The following PCNX2 variants were observed in gnomAD, a reference collection of about 807,000 sequenced individuals.
PCNX2 encodes the protein pecanex 2.
In PCNX2, 168 loss-of-function variants were observed where a neutral mutation model predicts 223.8. The ratio of observed to expected loss-of-function variants is 0.75; its 90% confidence interval spans 0.66 to 0.85. PCNX2 has a LOEUF of 0.85. Among genes scored for constraint, PCNX2 ranks in the 40% least tolerant of loss-of-function variants. PCNX2 has a pLI of 0.00. For missense variants in PCNX2, 2,507 were observed against 2,675.5 expected (o/e 0.94, Z 1.39); for synonymous variants, 1,006 against 1,052.6 (o/e 0.96, Z 0.86).
At position 233,057,266 on chromosome 1, in the gene PCNX2, G is replaced by A; in HGVS notation, c.4101C>T (p.Asn1367=). ...TTTCAATTTGGACTGCCAGTCTTGT[G>A]TTGGAATTATCCACTCGCCTTGTAC... ...NYNTRRVDNS[N]TRLAVQIERD... is the part of the protein sequence containing the mutation. The change falls in exon 24 of 34, where the codon AAC becomes AAT. Residue 1367 remains asparagine (N), a synonymous_variant. Transcript: ENST00000258229. 1 of 1,610,580 alleles carries A rather than the reference G, an allele frequency of 6.2e-7. No individual in the cohort carries two copies. The highest frequency in any genetic ancestry group is 8.5e-7 in the Non-Finnish European group (1 of 1,177,844).
intron 31 of PCNX2, 122 bp from the exon 32 acceptor site, chr1:232,998,560 CT>C: frequency 1.0e-6 from 1 of 968,906 alleles, no homozygotes; most frequent in Non-Finnish European, 1.5e-6. Context: ...AGTAGCCCAC[CT>C]GGCATGCTGG....
the PCNX2 span, among the ~76,000 whole-genome samples, chr1:233,317,956 T>C: frequency 2.0e-5 from 3 of 152,226 alleles, no homozygotes; most frequent in Middle Eastern, 3.2e-3. Flanking sequence ...CAGTGTTATA[T>C]TCCCTTGTAT....
chr1:233,152,480 C>T (rs1047849528), intron 19 of PCNX2, among the ~76,000 whole-genome samples: 2 of 152,130 alleles, frequency 1.3e-5, no homozygotes, highest in Non-Finnish European at 2.9e-5. Context: ...CAAAGAAAGC[C>T]TCTTTCCAAA....
intron 19 of PCNX2, among the ~76,000 whole-genome samples, chr1:233,141,883 G>A (rs745883841): frequency 6.6e-5 from 10 of 151,932 alleles, no homozygotes; most frequent in Admixed American, 1.3e-4. Flanking sequence ...AATAGACAGC[G>A]TGAAAGTCCT....
chr1:233,305,270 A>G, the PCNX2 span, among the ~76,000 whole-genome samples: 2 of 152,142 alleles, frequency 1.3e-5, no homozygotes, highest in Admixed American at 1.3e-4. Context: ...CTTATAATGT[A>G]TAAAGATACA....
chr1:233,310,174 T>C, the PCNX2 span, among the ~76,000 whole-genome samples: 3 of 152,204 alleles, frequency 2.0e-5, no homozygotes, highest in Admixed American at 6.5e-5. Flanking sequence ...TTTCTGATCA[T>C]AGTTTAATAA....
At chr1:233,295,790 G>A (rs1019006784), upstream of PCNX2, 3 of 290,666 alleles carry the variant, frequency 1.0e-5, no homozygotes, top group East Asian at 1.8e-4. The surrounding 1 kb of genome is among the most constrained non-coding windows in gnomAD (Gnocchi z 4.1). Context: ...TCCTCCCAAC[G>A]CCCGCCCAGT....
At chr1:233,098,176 T>C (rs1471520775) in intron 21 of PCNX2, among the ~76,000 whole-genome samples, 2 of 152,216 alleles carry the variant, frequency 1.3e-5, no homozygotes, top group African/African-American at 4.8e-5. Context: ...GGAAAGTTAC[T>C]CCTGTTAGGC....
intron 21 of PCNX2, among the ~76,000 whole-genome samples, chr1:233,105,278 T>C (rs1356317595): frequency 6.6e-6 from 1 of 152,082 alleles, no homozygotes; most frequent in Non-Finnish European, 1.5e-5. Context: ...ATTCACAAAA[T>C]TGAGAAAGTA....
At chr1:233,270,198 A>G (rs1036120179) in intron 1 of PCNX2, among the ~76,000 whole-genome samples, 1 of 152,214 alleles carries the variant, frequency 6.6e-6, no homozygotes, top group African/African-American at 2.4e-5. Flanking sequence ...TACAAAAAAA[A>G]GCACATGACA....
intron 9 of PCNX2, among the ~76,000 whole-genome samples, chr1:233,236,191 C>T (rs915784552): frequency 6.6e-6 from 1 of 151,768 alleles, no homozygotes; most frequent in African/African-American, 2.4e-5. Context: ...TCCCCATTAC[C>T]CCTCCTCCAA....
At chr1:233,161,397 T>G in intron 17 of PCNX2, 34 bp from the exon 18 acceptor site, 3 of 1,561,460 alleles carry the variant, frequency 1.9e-6, no homozygotes, top group Non-Finnish European at 2.6e-6. Context: ...AAGGCGACTC[T>G]TCATTTCTCT....
At chr1:233,054,150 T>A in intron 25 of PCNX2, 118 bp downstream of exon 25, 1 of 860,148 alleles carries the variant, frequency 1.2e-6, no homozygotes, top group Non-Finnish European at 1.8e-6. Flanking sequence ...GCAAGCTCAC[T>A]TTCAGTAGGA....
chr1:233,050,543 T>C (rs1314180734), intron 25 of PCNX2, among the ~76,000 whole-genome samples: 1 of 152,120 alleles, frequency 6.6e-6, no homozygotes, highest in Non-Finnish European at 1.5e-5. Flanking sequence ...CCTATAGCCA[T>C]CTGATCTTTG....
intron 28 of PCNX2, among the ~76,000 whole-genome samples, chr1:233,011,264 T>C (rs1670459655): frequency 6.6e-6 from 1 of 152,196 alleles, no homozygotes; most frequent in Admixed American, 6.6e-5. Flanking sequence ...AATCTACTAA[T>C]GTAATACAAC....
chr1:233,201,131 G>T (rs1028751072), intron 13 of PCNX2, among the ~76,000 whole-genome samples: 1 of 107,000 alleles, frequency 9.3e-6, no homozygotes, highest in African/African-American at 4.1e-5. Flanking sequence ...AAAAAAAAAA[G>T]TTGGTTAAAA....
chr1:233,018,164 A>C (rs1558166262), intron 26 of PCNX2, among the ~76,000 whole-genome samples: 2 of 151,290 alleles, frequency 1.3e-5, no homozygotes, highest in Non-Finnish European at 2.9e-5. Context: ...CTAGGGCTAC[A>C]GGTGCAAGCC....
intron 25 of PCNX2, among the ~76,000 whole-genome samples, chr1:233,042,739 G>C (rs1471968121): frequency 6.6e-6 from 1 of 152,218 alleles, no homozygotes; most frequent in African/African-American, 2.4e-5. Flanking sequence ...AGTCCCTAGT[G>C]ATGCTCTGTA....
At chr1:233,279,485 A>G (rs898089945) in intron 1 of PCNX2, among the ~76,000 whole-genome samples, 35 of 151,596 alleles carry the variant, frequency 2.3e-4, no homozygotes, top group East Asian at 1.9e-4. Flanking sequence ...GAGTTTCACT[A>G]TGTTGTTCAG....
Sources: gnomAD v4.1 joint callset for allele counts (sites outside exome capture counted in the v4.1 genomes callset) on GRCh38, gnomAD v4.1.1 for gene constraint, Gnocchi (gnomAD v3.1) non-coding constraint, MANE v1.5 for transcripts, NCBI Gene and HGNC (gene_info 2026-07-23, HGNC 2026-07-21) for gene names.